Variants in KCNMA1 observed in about 807,000 individuals in gnomAD.
KCNMA1 encodes the protein Calcium-activated potassium channel subunit alpha-1.
KCNMA1 carries 29 observed loss-of-function variants against 140.0 expected under a neutral mutation model. The observed-to-expected ratio is 0.21, with a 90% CI of 0.15 to 0.28. The LOEUF is 0.28. KCNMA1 is among the 10% of genes least tolerant of loss of function. The pLI is 1.00. For missense variants in KCNMA1, 880 were observed against 1,602.2 expected, an observed-to-expected ratio of 0.55 and a Z score of 7.70; for synonymous variants, 612 against 611.9, an observed-to-expected ratio of 1.00 and a Z score of 0.00.
At chr10:77,198,568 GATATATATAT>G (rs3998087) in intron 3 of KCNMA1, among the ~76,000 whole-genome samples, 3 of 138,414 alleles carry the variant, frequency 2.2e-5, no homozygotes, top group African/African-American at 2.7e-5. Flanking sequence ...ATATATATGT[GATATATATAT>G]ATATATATAT....
At chr10:77,552,224 CCTGA>C (rs770156413) in intron 1 of KCNMA1, among the ~76,000 whole-genome samples, 4 of 152,130 alleles carry the variant, frequency 2.6e-5, no homozygotes, top group Non-Finnish European at 5.9e-5. Flanking sequence ...GCCGTGGCTG[CCTGA>C]CTGACTTATC....
At chr10:77,433,529 T>C (rs961627687) in intron 1 of KCNMA1, 2 of 152,258 alleles carry the variant, frequency 1.3e-5, no homozygotes, top group Admixed American at 6.5e-5. Context: ...AATCTCTAGG[T>C]AATTCTTCCC....
chr10:77,242,830 G>GTGATA (rs1286020135), intron 3 of KCNMA1, among the ~76,000 whole-genome samples: 1 of 151,584 alleles, frequency 6.6e-6, no homozygotes, highest in African/African-American at 2.4e-5. Context: ...CTACTGTGAT[G>GTGATA]AGCCTGGTGG....
chr10:77,587,582 G>A (rs1006120960), intron 1 of KCNMA1, among the ~76,000 whole-genome samples: 1 of 152,126 alleles, frequency 6.6e-6, no homozygotes, highest in African/African-American at 2.4e-5. Context: ...GATTCTGCTT[G>A]GTGAGCATTT....
chr10:77,340,357 A>G (rs1010186625), intron 2 of KCNMA1, among the ~76,000 whole-genome samples: 9 of 152,178 alleles, frequency 5.9e-5, no homozygotes, highest in Non-Finnish European at 1.2e-4. Flanking sequence ...CCATCCCATT[A>G]CTGTATATAT....
At chr10:77,573,998 G>A (rs1291588758) in intron 1 of KCNMA1, among the ~76,000 whole-genome samples, 1 of 151,844 alleles carries the variant, frequency 6.6e-6, no homozygotes, top group African/African-American at 2.4e-5. Flanking sequence ...CCAATGCCAG[G>A]CTAATTTTTG....
chr10:76,909,862 C>T, intron 25 of KCNMA1, 104 bp downstream of exon 25: 3 of 1,231,000 alleles, frequency 2.4e-6, no homozygotes, highest in Admixed American at 1.9e-5. Context: ...AGGAGTCTTG[C>T]TCTCCACTGT....
intron 19 of KCNMA1, among the ~76,000 whole-genome samples, chr10:76,990,224 G>A (rs553608406): frequency 2.2e-4 from 33 of 152,162 alleles, no homozygotes; most frequent in Non-Finnish European, 4.1e-4. Context: ...ACACACATAA[G>A]ACATTACTCT....
At chr10:77,369,354 A>G (rs1341848037) in intron 2 of KCNMA1, among the ~76,000 whole-genome samples, 1 of 152,182 alleles carries the variant, frequency 6.6e-6, no homozygotes, top group Non-Finnish European at 1.5e-5. Flanking sequence ...CCAACTGAAT[A>G]AGAATCTCTG....
chr10:77,551,616 C>T (rs2062866215), intron 1 of KCNMA1, among the ~76,000 whole-genome samples: 1 of 152,222 alleles, frequency 6.6e-6, no homozygotes, highest in Non-Finnish European at 1.5e-5. Flanking sequence ...TGGAAAAACA[C>T]ACTGTTAATA....
intron 5 of KCNMA1, among the ~76,000 whole-genome samples, chr10:77,168,930 T>G (rs1453044325): frequency 6.6e-6 from 1 of 152,190 alleles, no homozygotes; most frequent in African/African-American, 2.4e-5. Context: ...GTCATTGCCA[T>G]AAACAATATG....
chr10:77,377,891 G>C (rs1291076420), intron 2 of KCNMA1, among the ~76,000 whole-genome samples: 3 of 152,172 alleles, frequency 2.0e-5, no homozygotes, highest in African/African-American at 7.2e-5. Flanking sequence ...TTCAAGGTGA[G>C]GCCAACCAGT....
chr10:77,458,202 C>T (rs78003817), intron 1 of KCNMA1, among the ~76,000 whole-genome samples: 6 of 152,228 alleles, frequency 3.9e-5, no homozygotes, highest in Admixed American at 6.5e-5. Context: ...GCAGCCAGGG[C>T]ACTGTGCCCC....
chr10:77,251,108 G>A (rs1005182316), intron 3 of KCNMA1, 87 bp downstream of exon 3: 7 of 1,043,956 alleles, frequency 6.7e-6, no homozygotes, highest in Non-Finnish European at 1.1e-5. Context: ...TCTTGCAAAG[G>A]TTGGTGTCAA....
At chr10:77,389,414 G>A (rs904813224) in intron 2 of KCNMA1, among the ~76,000 whole-genome samples, 2 of 152,144 alleles carry the variant, frequency 1.3e-5, no homozygotes, top group African/African-American at 4.8e-5. Context: ...TCTACCTCTG[G>A]AGGAGGGATG....
chr10:77,264,419 G>A (rs2062860477), intron 2 of KCNMA1, among the ~76,000 whole-genome samples: 1 of 152,194 alleles, frequency 6.6e-6, no homozygotes, highest in Non-Finnish European at 1.5e-5. Flanking sequence ...GCAAACAAAA[G>A]AGAAGAAATG....
At chr10:77,482,162 A>T (rs1369941685) in intron 1 of KCNMA1, among the ~76,000 whole-genome samples, 1 of 152,248 alleles carries the variant, frequency 6.6e-6, no homozygotes, top group Admixed American at 6.5e-5. Context: ...TTTATGGCTC[A>T]GAGATTGGAG....
intron 18 of KCNMA1, among the ~76,000 whole-genome samples, chr10:77,011,333 A>G (rs61868788): frequency 0.064 from 9,805 of 152,234 alleles, 439 homozygotes; most frequent in Non-Finnish European, 0.099. Context: ...AAGGGACTTG[A>G]GACAGAATAT....
At chr10:76,985,020 T>C (rs767422936) in intron 19 of KCNMA1, among the ~76,000 whole-genome samples, 8 of 152,228 alleles carry the variant, frequency 5.3e-5, no homozygotes, top group Non-Finnish European at 7.3e-5. Context: ...TGGACCTGCA[T>C]GTCAGGCCCT....
Sources: allele counts gnomAD v4.1 joint callset (sites outside exome capture counted in the v4.1 genomes callset), GRCh38; gene constraint gnomAD v4.1.1; transcripts MANE v1.5; gene names NCBI Gene and HGNC (gene_info 2026-07-23, HGNC 2026-07-21).